CELF2: variants seen among roughly 807,000 people sequenced by gnomAD.
The protein encoded by CELF2 is CUG triplet repeat RNA-binding protein 2.
In CELF2, 8 loss-of-function variants were observed where a neutral mutation model predicts 62.6. That is an observed-to-expected ratio of 0.13 (90% confidence interval 0.07 to 0.23). The LOEUF (loss-of-function observed/expected upper bound fraction) is 0.23, where lower values mean the gene tolerates loss of function less well. Ranked by LOEUF, CELF2 falls within the 10% of genes least tolerant of loss-of-function variation. The probability of loss-of-function intolerance (pLI) is 1.00; values close to 1 mark genes in which losing one functional copy is unlikely to be tolerated. For missense variants in CELF2, 333 were observed against 671.0 expected (o/e 0.50, Z 5.56); for synonymous variants, 258 against 250.0 (o/e 1.03, Z -0.30).
At chr10:11,236,510 T>C (rs1232041004) in intron 3 of CELF2, among the ~76,000 whole-genome samples, 2 of 152,188 alleles carry the variant, frequency 1.3e-5, no homozygotes, top group African/African-American at 4.8e-5. Context: ...TTAACTTGAA[T>C]TGAAACTAGT....
the CELF2 span, among the ~76,000 whole-genome samples, chr10:10,564,699 C>A: frequency 6.6e-6 from 1 of 151,224 alleles, no homozygotes; most frequent in Non-Finnish European, 1.5e-5. Context: ...CACACACACA[C>A]ACACACACAC....
the CELF2 span, among the ~76,000 whole-genome samples, chr10:10,543,923 T>C: frequency 6.6e-6 from 1 of 152,218 alleles, no homozygotes; most frequent in Non-Finnish European, 1.5e-5. Context: ...GAGAAATGCA[T>C]GCGCCCCTAA....
At chr10:10,925,719 A>G (rs549405342) in intron 2 of CELF2, among the ~76,000 whole-genome samples, 20 of 152,214 alleles carry the variant, frequency 1.3e-4, no homozygotes, top group Non-Finnish European at 1.2e-4. Context: ...AGGCCAGGGG[A>G]TAGCCCACAG....
the CELF2 span, among the ~76,000 whole-genome samples, chr10:10,534,987 A>T: frequency 4.1e-4 from 63 of 152,324 alleles, no homozygotes; most frequent in African/African-American, 1.3e-3. Context: ...TAAAGAAAAA[A>T]ATGAATTTTC....
intron 2 of CELF2, among the ~76,000 whole-genome samples, chr10:11,198,905 A>G (rs2058586797): frequency 6.6e-6 from 1 of 152,266 alleles, no homozygotes; most frequent in Admixed American, 6.5e-5. Flanking sequence ...AGGATTGCCC[A>G]TGAAATCACA....
intron 1 of CELF2, among the ~76,000 whole-genome samples, chr10:10,885,426 G>T (rs2061690187): frequency 6.6e-6 from 1 of 151,440 alleles, no homozygotes; most frequent in Non-Finnish European, 1.5e-5. Context: ...CTAGAATCTA[G>T]GCTCCAGATT....
At chr10:10,725,774 G>A in the CELF2 span, among the ~76,000 whole-genome samples, 6 of 151,988 alleles carry the variant, frequency 3.9e-5, no homozygotes, top group Admixed American at 3.9e-4. Flanking sequence ...ACGATATTCG[G>A]GTTGCCTGGT....
chr10:10,610,916 G>A, the CELF2 span, among the ~76,000 whole-genome samples: 35 of 152,246 alleles, frequency 2.3e-4, 1 homozygote, highest in South Asian at 7.1e-3. Context: ...AATCATTATT[G>A]TCCAAATAAA....
intron 2 of CELF2, among the ~76,000 whole-genome samples, chr10:11,166,222 CGT>C (rs2067135521): frequency 6.6e-6 from 1 of 152,166 alleles, no homozygotes; most frequent in Non-Finnish European, 1.5e-5. Context: ...AGGTGGGGAC[CGT>C]GAGGTGAATC....
chr10:11,021,000 G>C (rs939807579), intron 1 of CELF2, among the ~76,000 whole-genome samples: 2 of 152,160 alleles, frequency 1.3e-5, no homozygotes, highest in African/African-American at 4.8e-5. Context: ...TAGCCACACA[G>C]CATAATGAAA....
chr10:10,697,436 G>A, the CELF2 span, among the ~76,000 whole-genome samples: 6 of 152,176 alleles, frequency 3.9e-5, no homozygotes, highest in South Asian at 2.1e-4. Flanking sequence ...GAAGCTGGAC[G>A]GAGACCAGTC....
At chr10:10,566,723 G>C in the CELF2 span, among the ~76,000 whole-genome samples, 1 of 151,944 alleles carries the variant, frequency 6.6e-6, no homozygotes, top group South Asian at 2.1e-4. Context: ...GCCATCTTTT[G>C]TTCACAACAT....
chr10:10,796,783 G>A (rs925169235), upstream of CELF2: 12 of 516,968 alleles, frequency 2.3e-5, no homozygotes, highest in Non-Finnish European at 3.0e-5. Flanking sequence ...GAAGTACTTG[G>A]AGATTAAAAG....
chr10:10,628,827 T>C, the CELF2 span, among the ~76,000 whole-genome samples: 1 of 152,138 alleles, frequency 6.6e-6, no homozygotes, highest in African/African-American at 2.4e-5. Flanking sequence ...ACTTAAAGTA[T>C]AATTTAAAAA....
At position 11,321,072 on chromosome 10, in the gene CELF2, T is replaced by A; in HGVS notation, c.1097-117T>A. The A allele has an allele frequency of 7.7e-7, 1 of 1,294,462 alleles. No individual in the cohort carries two copies. Among genetic ancestry groups the A allele is most frequent in the African/African-American group, 1.5e-5 (1 of 68,100 alleles). 80.2% of individuals were successfully genotyped at this position (1,294,462 alleles called of 1,614,324 possible). On this transcript the variant is annotated intron_variant, in intron 10 of 12. Transcript: ENST00000633077. The surrounding 1 kb of genome is among the most constrained non-coding windows in gnomAD (Gnocchi z 6.2). ...TTTTAGTTTCCTGTCAGTGTAATTG[T>A]GTGCTAGCTGCATGTACTTGCTGTT...
intron 1 of CELF2, among the ~76,000 whole-genome samples, chr10:11,153,458 T>C (rs188019064): frequency 5.6e-4 from 85 of 152,166 alleles, no homozygotes; most frequent in African/African-American, 1.9e-3. Flanking sequence ...TCCACCGAGA[T>C]TGACAGCATG....
intron 2 of CELF2, among the ~76,000 whole-genome samples, chr10:10,924,322 A>G (rs11256920): frequency 0.34 from 48,985 of 144,420 alleles, 9,364 homozygotes; most frequent in East Asian, 0.71. Flanking sequence ...ATATAAACAC[A>G]GTTTATATCA....
At chr10:10,634,548 G>A in the CELF2 span, among the ~76,000 whole-genome samples, 1 of 152,072 alleles carries the variant, frequency 6.6e-6, no homozygotes, top group African/African-American at 2.4e-5. Flanking sequence ...TTGGTGTACA[G>A]TGCAAATATT....
chr10:11,065,694 A>G (rs1357014586), intron 1 of CELF2, among the ~76,000 whole-genome samples: 2 of 145,020 alleles, frequency 1.4e-5, no homozygotes, highest in East Asian at 6.8e-4. Context: ...AAGACAGACA[A>G]ACCCCACCCC....
Sources: allele counts gnomAD v4.1 joint callset (sites outside exome capture counted in the v4.1 genomes callset), GRCh38; gene constraint gnomAD v4.1.1; non-coding constraint Gnocchi (gnomAD v3.1); transcripts MANE v1.5; gene names NCBI Gene and HGNC (gene_info 2026-07-23, HGNC 2026-07-21).